The following NR6A1 variants were observed in gnomAD, a reference collection of about 807,000 sequenced individuals.
NR6A1 encodes nuclear receptor subfamily 6 group A member 1, also known as retinoic acid receptor-related testis-associated receptor.
Under a neutral mutation model 59.1 loss-of-function variants are expected in NR6A1, and 7 were observed. The observed-to-expected ratio is 0.12, with a 90% CI of 0.07 to 0.22. The LOEUF is 0.22. NR6A1 is among the 10% of genes least tolerant of loss of function. The pLI, the probability that NR6A1 is intolerant of heterozygous loss-of-function variation, is 1.00. For missense variants in NR6A1, 468 were observed against 611.6 expected (o/e 0.77, Z 2.48); for synonymous variants, 243 against 236.1 (o/e 1.03, Z -0.27).
intron 2 of NR6A1, among the ~76,000 whole-genome samples, chr9:124,654,036 G>C (rs1466600900): frequency 6.6e-6 from 1 of 152,194 alleles, no homozygotes; most frequent in Non-Finnish European, 1.5e-5. Flanking sequence ...AGTGATGTAT[G>C]AAAATGCTGG....
chr9:124,703,001 C>T (rs916893388), intron 2 of NR6A1, among the ~76,000 whole-genome samples: 3 of 151,158 alleles, frequency 2.0e-5, no homozygotes, highest in Admixed American at 2.0e-4. Context: ...TGGGCTCAAG[C>T]GATTCTCCTG....
chr9:124,714,447 T>C (rs1227819125), intron 2 of NR6A1, among the ~76,000 whole-genome samples: 1 of 152,202 alleles, frequency 6.6e-6, no homozygotes, highest in African/African-American at 2.4e-5. Flanking sequence ...AGAGGTGTCA[T>C]CATACTTGAT....
chr9:124,745,257 G>GAAA (rs34826262), intron 1 of NR6A1, among the ~76,000 whole-genome samples: 2 of 148,836 alleles, frequency 1.3e-5, no homozygotes, highest in Non-Finnish European at 1.5e-5. Flanking sequence ...ATATATACAT[G>GAAA]AAAAAAAAAA....
At chr9:124,591,427 G>C (rs1463684662) in intron 2 of NR6A1, among the ~76,000 whole-genome samples, 1 of 152,182 alleles carries the variant, frequency 6.6e-6, no homozygotes, top group Non-Finnish European at 1.5e-5. Flanking sequence ...CCAACACCAG[G>C]AAGCCTGTAG....
At chr9:124,637,066 A>C (rs1043725056) in intron 2 of NR6A1, among the ~76,000 whole-genome samples, 67 of 152,328 alleles carry the variant, frequency 4.4e-4, no homozygotes, top group African/African-American at 1.6e-3. Flanking sequence ...ACCCGGAGGC[A>C]GGAGTGATAC....
chr9:124,679,180 T>C (rs1203730853), intron 2 of NR6A1, among the ~76,000 whole-genome samples: 1 of 152,220 alleles, frequency 6.6e-6, no homozygotes, highest in African/African-American at 2.4e-5. Context: ...ATGTTACTCT[T>C]GAAGTTAATC....
chr9:124,637,645 C>T (rs1002481912), intron 2 of NR6A1, among the ~76,000 whole-genome samples: 16 of 152,136 alleles, frequency 1.1e-4, no homozygotes, highest in Non-Finnish European at 1.5e-4. Flanking sequence ...AATCCCAGCA[C>T]TTTGGAAGGT....
chr9:124,768,126 G>A (rs1840990051), intron 1 of NR6A1, among the ~76,000 whole-genome samples: 1 of 152,140 alleles, frequency 6.6e-6, no homozygotes, highest in South Asian at 2.1e-4. Context: ...CCATTCAAAG[G>A]ACTGTAAATT....
At chr9:124,628,875 G>C (rs766042667) in intron 2 of NR6A1, among the ~76,000 whole-genome samples, 3 of 151,978 alleles carry the variant, frequency 2.0e-5, no homozygotes, top group Admixed American at 6.6e-5. Flanking sequence ...TCCCAGGCTG[G>C]TCTCGAACTC....
intron 2 of NR6A1, among the ~76,000 whole-genome samples, chr9:124,710,731 C>T (rs1272566516): frequency 6.6e-6 from 1 of 152,154 alleles, no homozygotes; most frequent in African/African-American, 2.4e-5. Context: ...CTCTAGTATT[C>T]TACTAAGCCT....
chr9:124,647,115 T>C (rs1005957854), intron 2 of NR6A1, among the ~76,000 whole-genome samples: 1 of 152,160 alleles, frequency 6.6e-6, no homozygotes, highest in African/African-American at 2.4e-5. Flanking sequence ...GGTCTCACTA[T>C]GTTGTAGCCC....
At chr9:124,658,632 T>A (rs896600415) in intron 2 of NR6A1, 13 of 152,342 alleles carry the variant, frequency 8.5e-5, no homozygotes, top group African/African-American at 2.9e-4. Context: ...GCTCGAACTT[T>A]TTTGATTGTC....
chr9:124,600,905 T>A (rs1588700686), intron 2 of NR6A1, among the ~76,000 whole-genome samples: 1 of 151,424 alleles, frequency 6.6e-6, no homozygotes, highest in East Asian at 1.9e-4. Flanking sequence ...CAAAAGATTT[T>A]GTAATGCCAA....
chr9:124,638,334 A>G (rs1417222373), intron 2 of NR6A1, among the ~76,000 whole-genome samples: 1 of 151,978 alleles, frequency 6.6e-6, no homozygotes. Flanking sequence ...AGGCTCATCT[A>G]CTTACTTTTT....
intron 7 of NR6A1, among the ~76,000 whole-genome samples, chr9:124,534,733 C>A (rs906125009): frequency 6.6e-6 from 1 of 152,168 alleles, no homozygotes; most frequent in African/African-American, 2.4e-5. Flanking sequence ...AATCCCAAAC[C>A]CTTATGGGAA....
intron 2 of NR6A1, among the ~76,000 whole-genome samples, chr9:124,567,302 G>A (rs1213040221): frequency 6.6e-6 from 1 of 152,072 alleles, no homozygotes; most frequent in Admixed American, 6.5e-5. Context: ...CAGAGAATGT[G>A]GAGAAGCAGC....
chr9:124,665,297 A>G (rs1417580725), intron 2 of NR6A1, among the ~76,000 whole-genome samples: 2 of 152,228 alleles, frequency 1.3e-5, no homozygotes, highest in Non-Finnish European at 2.9e-5. Flanking sequence ...TCAAACTAAC[A>G]TAATTCATAA....
At chr9:124,533,004 T>A (rs1833143803) in intron 7 of NR6A1, among the ~76,000 whole-genome samples, 1 of 152,214 alleles carries the variant, frequency 6.6e-6, no homozygotes, top group South Asian at 2.1e-4. Flanking sequence ...GTCTTGGGGC[T>A]TAAGGGACTG....
At chr9:124,582,563 C>T (rs1278964928) in intron 2 of NR6A1, among the ~76,000 whole-genome samples, 1 of 151,896 alleles carries the variant, frequency 6.6e-6, no homozygotes, top group Non-Finnish European at 1.5e-5. Flanking sequence ...GCACATGTAC[C>T]CCTGAACTTA....
Sources: gnomAD v4.1 joint callset for allele counts (sites outside exome capture counted in the v4.1 genomes callset) on GRCh38, gnomAD v4.1.1 for gene constraint, MANE v1.5 for transcripts, NCBI Gene and HGNC (gene_info 2026-07-23, HGNC 2026-07-21) for gene names.